Variants in CLPB observed in about 807,000 individuals in gnomAD.
CLPB encodes ClpB family mitochondrial disaggregase.
In CLPB, 40 loss-of-function variants were observed where a neutral mutation model predicts 78.4. The ratio of observed to expected loss-of-function variants is 0.51; its 90% confidence interval spans 0.40 to 0.66. The LOEUF (loss-of-function observed/expected upper bound fraction) is 0.66. Ranked by LOEUF, CLPB falls within the 30% of genes least tolerant of loss-of-function variation. The pLI is 0.00. For synonymous variants in CLPB, 333 were observed against 348.0 expected (o/e 0.96, Z 0.48); for missense variants, 780 against 886.9 (o/e 0.88, Z 1.53).
Position 72,293,285 on chromosome 11 carries a change from G to T in CLPB, c.*82C>A. On this transcript the variant is annotated 3_prime_UTR_variant, in exon 16 of 16. Transcript: ENST00000538039. Reference sequence around the variant, plus strand: ...CTGGGTAGAGATGGGAGCGGCATGAGGGGAAGGTAAGTCAGTTGCCATGCC... The same window carrying T: ...CTGGGTAGAGATGGGAGCGGCATGATGGGAAGGTAAGTCAGTTGCCATGCC... 6.6e-7 allele frequency: 1 copy of T among 1,525,716 alleles called. No individual in the cohort carries two copies. The highest frequency in any genetic ancestry group is 8.9e-7 in the Non-Finnish European group (1 of 1,117,578). The allele number at this position is 1,525,716 out of a possible 1,614,324, so 94.5% of individuals were successfully genotyped here. A position where few individuals can be genotyped will look rare whatever the true frequency, so the allele number is the denominator to read the frequency against.
chr11:72,360,683 C>T (rs1950822259), intron 4 of CLPB, among the ~76,000 whole-genome samples: 4 of 152,102 alleles, frequency 2.6e-5, no homozygotes, highest in African/African-American at 2.4e-5. Flanking sequence ...GTGATCCACC[C>T]GCCTCAGCCT....
chr11:72,352,967 C>T (rs963067464), intron 5 of CLPB: 2 of 152,266 alleles, frequency 1.3e-5, no homozygotes, highest in Non-Finnish European at 2.9e-5. Flanking sequence ...GCTCATTCCC[C>T]TTCTCTGTAC....
intron 7 of CLPB, among the ~76,000 whole-genome samples, chr11:72,313,533 G>T (rs1011924911): frequency 1.3e-5 from 2 of 152,224 alleles, no homozygotes; most frequent in Non-Finnish European, 2.9e-5. Flanking sequence ...AAGAGCTGGT[G>T]TGCAGTAGCT....
chr11:72,420,640 C>T (rs1856167596), intron 2 of CLPB, among the ~76,000 whole-genome samples: 1 of 152,210 alleles, frequency 6.6e-6, no homozygotes, highest in South Asian at 2.1e-4. Flanking sequence ...TAACCCATCC[C>T]AACAGAAGGT....
At chr11:72,347,619 T>C (rs543485693) in intron 5 of CLPB, among the ~76,000 whole-genome samples, 72 of 152,322 alleles carry the variant, frequency 4.7e-4, no homozygotes, top group South Asian at 2.9e-3. Context: ...AAGTATTAAC[T>C]ATTCAAAAAC....
rs1333729750 is a variant in CLPB at position 72,292,036 on chromosome 11, C to G, written c.*1331G>C. The G allele has an allele frequency of 8.8e-6, 1 of 113,764 alleles. No individual in the cohort carries two copies. Among genetic ancestry groups the G allele is most frequent in the African/African-American group, 3.9e-5 (1 of 25,882 alleles). The allele number at this position is 113,764 out of a possible 1,614,324, so 7.0% of individuals were successfully genotyped here. A position where few individuals can be genotyped will look rare whatever the true frequency, so the allele number is the denominator to read the frequency against. On this transcript the variant is annotated 3_prime_UTR_variant, in exon 16 of 16. Transcript: ENST00000538039. The stretch of plus-strand genomic sequence containing the variant: ...CCAGCTTGGGGGACAGAGTGAGACT[C>G]TGTCTCAAAAAAAAAAAAAAAAAAA...
intron 2 of CLPB, among the ~76,000 whole-genome samples, chr11:72,415,281 T>C (rs748031577): frequency 6.6e-6 from 1 of 152,214 alleles, no homozygotes; most frequent in Non-Finnish European, 1.5e-5. Context: ...CCAAGCTCTA[T>C]GGAGCCACAC....
Position 72,286,227 on chromosome 11 carries a change from T to TG in CLPB, c.*7139_*7140insC, listed in dbSNP as rs1478647480. ...CAGGTGTGAGATACTGCACCTGTTTTTTTTTTTTTTTTTTTTTTTAAGAGA... is the reference window on the plus strand; with the variant it reads ...CAGGTGTGAGATACTGCACCTGTTTTGTTTTTTTTTTTTTTTTTTTAAGAGA... On this transcript the variant is annotated 3_prime_UTR_variant, in exon 16 of 16. Coordinates refer to ENST00000538039, the MANE Select transcript of CLPB (RefSeq NM_001258392.3). 1.3e-4 allele frequency: 17 copies of TG among 127,112 alleles called. No individual in the cohort carries two copies. Among genetic ancestry groups the TG allele is most frequent in the African/African-American group, 5.8e-4 (17 of 29,202 alleles). The allele number at this position is 127,112 out of a possible 1,614,324, so 7.9% of individuals were successfully genotyped here. A position where few individuals can be genotyped will look rare whatever the true frequency, so the allele number is the denominator to read the frequency against.
At chr11:72,321,032 C>T (rs1485328739) in intron 6 of CLPB, among the ~76,000 whole-genome samples, 1 of 151,972 alleles carries the variant, frequency 6.6e-6, no homozygotes, top group East Asian at 1.9e-4. Flanking sequence ...TTGTGCCCAG[C>T]CTTGTGAAAG....
chr11:72,378,333 T>A (rs954458882), intron 4 of CLPB, among the ~76,000 whole-genome samples: 2 of 152,058 alleles, frequency 1.3e-5, no homozygotes, highest in Non-Finnish European at 2.9e-5. Flanking sequence ...CAAAAAGAGG[T>A]TTAATTGGAC....
intron 3 of CLPB, among the ~76,000 whole-genome samples, chr11:72,382,772 C>T (rs1012463024): frequency 2.6e-5 from 4 of 152,178 alleles, no homozygotes; most frequent in African/African-American, 9.7e-5. Flanking sequence ...TTTTCACATG[C>T]TCAGACACCA....
At chr11:72,385,023 A>AGCTACACTTT (rs1487672194) in intron 3 of CLPB, among the ~76,000 whole-genome samples, 1 of 152,242 alleles carries the variant, frequency 6.6e-6, no homozygotes, top group East Asian at 1.9e-4. Context: ...GTCTGACTTA[A>AGCTACACTTT]GCTACACTTT....
chr11:72,398,011 C>T (rs1002474943), intron 3 of CLPB, among the ~76,000 whole-genome samples: 2 of 152,206 alleles, frequency 1.3e-5, no homozygotes, highest in Non-Finnish European at 2.9e-5. Context: ...TTAAGGAAAG[C>T]TACATCTGGA....
intron 5 of CLPB, among the ~76,000 whole-genome samples, chr11:72,342,381 T>C (rs1391904551): frequency 1.3e-5 from 2 of 152,152 alleles, no homozygotes; most frequent in Admixed American, 6.5e-5. Flanking sequence ...AAAGCTAACG[T>C]AGAGGTTTTC....
chr11:72,337,253 A>G (rs1348926816), intron 5 of CLPB: 3 of 395,686 alleles, frequency 7.6e-6, no homozygotes, highest in Non-Finnish European at 1.3e-5. Flanking sequence ...CCTGCTCAAC[A>G]TACGTATGTA....
intron 4 of CLPB, among the ~76,000 whole-genome samples, chr11:72,364,718 T>C (rs1302242975): frequency 6.6e-6 from 1 of 152,052 alleles, no homozygotes; most frequent in East Asian, 1.9e-4. Context: ...TCCTGCCACA[T>C]AGAGGACCCT....
At chr11:72,337,054 T>A (rs1482040027) in intron 5 of CLPB, 1 of 398,660 alleles carries the variant, frequency 2.5e-6, no homozygotes, top group Non-Finnish European at 4.4e-6. Flanking sequence ...TTTCATATCT[T>A]GGTTTAGTCT....
intron 14 of CLPB, 29 bp from the exon 15 acceptor site, chr11:72,294,155 G>A (rs1449106154): frequency 5.0e-6 from 8 of 1,609,290 alleles, no homozygotes; most frequent in Non-Finnish European, 6.8e-6. Context: ...AAGCATGCCT[G>A]CATGTGGCCC....
intron 5 of CLPB, among the ~76,000 whole-genome samples, chr11:72,344,136 T>C (rs1440561747): frequency 1.3e-5 from 2 of 152,136 alleles, no homozygotes; most frequent in African/African-American, 2.4e-5. Context: ...GCAACCTCTT[T>C]TTCCTCCTCT....
Sources: allele counts gnomAD v4.1 joint callset (sites outside exome capture counted in the v4.1 genomes callset), GRCh38; gene constraint gnomAD v4.1.1; transcripts MANE v1.5; gene names NCBI Gene and HGNC (gene_info 2026-07-23, HGNC 2026-07-21).